ZMYM2: variants seen among roughly 807,000 people sequenced by gnomAD.
ZMYM2 encodes zinc finger MYM-type protein 2.
In ZMYM2, 56 loss-of-function variants were observed where a neutral mutation model predicts 162.8. That is an observed-to-expected ratio of 0.34 (90% CI 0.28 to 0.43). The LOEUF is 0.43. ZMYM2 is among the 20% of genes least tolerant of loss of function. The pLI is 1.00. For synonymous variants in ZMYM2, 510 were observed against 541.6 expected (o/e 0.94, Z 0.81); for missense variants, 1,275 against 1,621.8 (o/e 0.79, Z 3.67).
At chr13:19,935,505 C>T in the ZMYM2 span, among the ~76,000 whole-genome samples, 4 of 152,216 alleles carry the variant, frequency 2.6e-5, no homozygotes, top group African/African-American at 9.6e-5. Flanking sequence ...ATTTTACAAT[C>T]ACACCAATAG....
At chr13:19,952,969 C>T in the ZMYM2 span, among the ~76,000 whole-genome samples, 1 of 152,172 alleles carries the variant, frequency 6.6e-6, no homozygotes, top group Non-Finnish European at 1.5e-5. Context: ...ATGTTATCAT[C>T]AGGGAAGTAG....
rs1310814421 is a variant in ZMYM2, at chr13:20,086,081, A to G, written c.*67A>G. On this transcript the variant is annotated 3_prime_UTR_variant, in exon 25 of 25. Coordinates refer to ENST00000610343, the MANE Select transcript of ZMYM2 (RefSeq NM_197968.4). ...ATAGTCATGCTGCTAGATCTTTATT[A>G]TGGAAAACATTTCAAGTTTACTCCT... is the stretch of plus-strand genomic sequence containing the variant. The G allele has an allele frequency of 4.0e-6, 6 of 1,495,132 alleles. No individual in the cohort carries two copies. The highest frequency in any genetic ancestry group is 2.5e-5 in the South Asian group (2 of 79,606). The allele number at this position is 1,495,132 out of a possible 1,614,324, so 92.6% of individuals were successfully genotyped here.
At chr13:19,893,930 C>T in the ZMYM2 span, among the ~76,000 whole-genome samples, 2 of 151,746 alleles carry the variant, frequency 1.3e-5, no homozygotes, top group East Asian at 1.9e-4. Flanking sequence ...CACACCACCA[C>T]GTTTGGCTTC....
chr13:20,072,758 T>C (rs1193102838), intron 21 of ZMYM2, among the ~76,000 whole-genome samples: 2 of 151,886 alleles, frequency 1.3e-5, no homozygotes, highest in Non-Finnish European at 2.9e-5. Context: ...TTAGATTTCC[T>C]GTTTCTTCTT....
the ZMYM2 span, among the ~76,000 whole-genome samples, chr13:19,867,601 T>A: frequency 1.3e-5 from 2 of 151,920 alleles, no homozygotes; most frequent in African/African-American, 4.8e-5. Flanking sequence ...GCTATATTTT[T>A]AAAAAGATCT....
the ZMYM2 span, among the ~76,000 whole-genome samples, chr13:19,929,109 C>T: frequency 9.2e-5 from 14 of 152,184 alleles, no homozygotes; most frequent in African/African-American, 2.6e-4. Flanking sequence ...TACTAATGTG[C>T]CTTTAGATTC....
intron 3 of ZMYM2, among the ~76,000 whole-genome samples, chr13:19,997,682 T>C (rs1407702383): frequency 1.3e-5 from 2 of 152,174 alleles, no homozygotes; most frequent in Non-Finnish European, 2.9e-5. Context: ...AGTTTTAAAA[T>C]AGCTATTTTT....
At chr13:19,991,864 A>G (rs1949656371) in intron 2 of ZMYM2, among the ~76,000 whole-genome samples, 1 of 151,988 alleles carries the variant, frequency 6.6e-6, no homozygotes, top group South Asian at 2.1e-4. Flanking sequence ...TCCTGGGCTC[A>G]AGTGATCTGC....
intron 6 of ZMYM2, among the ~76,000 whole-genome samples, chr13:20,007,062 G>A (rs546802454): frequency 1.6e-4 from 24 of 152,252 alleles, no homozygotes; most frequent in African/African-American, 5.8e-4. Flanking sequence ...GAGAGGGGCT[G>A]CAAATATTTC....
chr13:20,019,329 T>C (rs1395657586), intron 6 of ZMYM2, among the ~76,000 whole-genome samples: 2 of 152,204 alleles, frequency 1.3e-5, no homozygotes, highest in Admixed American at 6.5e-5. Context: ...TACTGTTTTA[T>C]CATCATACCA....
Position 20,004,278 on chromosome 13 carries a change from G to A in ZMYM2, c.1134-796G>A, listed in dbSNP as rs147231691. On this transcript the variant is annotated intron_variant, in intron 4 of 24. Transcript: ENST00000610343. ...GTTTTGTTTTGTTTTTTTTTGAGAC[G>A]GATTCTCGCTCTGTCGCCCTGGCTG... Among the ~76,000 whole-genome samples, 408 of 151,616 alleles carry A rather than the reference G, an allele frequency of 2.7e-3. 3 individuals are homozygous for A. Among genetic ancestry groups the A allele is most frequent in the African/African-American group, 9.5e-3 (394 of 41,328 alleles).
At chr13:19,919,680 CTTTTTTTTTTTTT>C in the ZMYM2 span, among the ~76,000 whole-genome samples, 1 of 137,308 alleles carries the variant, frequency 7.3e-6, no homozygotes, top group African/African-American at 2.6e-5. Context: ...TTTTCTTTTT[CTTTTTTTTTTTTT>C]TGAAATGGAG....
In ZMYM2 at chr13:20,048,537, G is replaced by A. The variant is rs138259827; in HGVS notation, c.2293-2896G>A. Among the ~76,000 whole-genome samples the A allele has an allele frequency of 6.0e-3, 904 of 151,856 alleles. 9 individuals carry two copies. The highest frequency in any genetic ancestry group is 0.02 in the African/African-American group (840 of 41,470). ...TCTGTAAAATACCCCTATCTTTTTC[G>A]TATTCATGGTTCTCCCCTGGAAAAT... On this transcript the variant is annotated intron_variant, in intron 12 of 24. Coordinates refer to ENST00000610343, the MANE Select transcript of ZMYM2 (RefSeq NM_197968.4).
At chr13:20,027,065 C>G in intron 8 of ZMYM2, 138 bp from the exon 9 acceptor site, 1 of 635,290 alleles carries the variant, frequency 1.6e-6, no homozygotes, top group South Asian at 2.6e-5. Context: ...TTTAAAAGTG[C>G]ACATAATCTT....
chr13:19,998,373 A>G (rs1950167567), intron 3 of ZMYM2, among the ~76,000 whole-genome samples: 1 of 152,242 alleles, frequency 6.6e-6, no homozygotes, highest in Non-Finnish European at 1.5e-5. Flanking sequence ...GTGTCAAGGC[A>G]ATAGATGCCC....
chr13:19,875,626 C>CAAAAA, the ZMYM2 span, among the ~76,000 whole-genome samples: 1 of 54,886 alleles, frequency 1.8e-5, no homozygotes, highest in African/African-American at 7.4e-5. Flanking sequence ...GACTCCATCG[C>CAAAAA]AAAAAAAAAA....
the ZMYM2 span, among the ~76,000 whole-genome samples, chr13:19,881,308 G>GA: frequency 6.6e-6 from 1 of 151,634 alleles, no homozygotes; most frequent in South Asian, 2.1e-4. Context: ...GCAAATTGGG[G>GA]AAAAAAAATA....
In ZMYM2 at chr13:20,005,245, T is replaced by C; in HGVS notation, c.1299+6T>C. ...TCTGTGGTAAACTAACTGAGGTTTGTATTTTTTTTCTTTATCATTTAATTC... is the reference window on the plus strand; with the variant it reads ...TCTGTGGTAAACTAACTGAGGTTTGCATTTTTTTTCTTTATCATTTAATTC... On this transcript the variant is annotated splice_donor_region_variant and intron_variant, in intron 5 of 24. Coordinates refer to ENST00000610343, the MANE Select transcript of ZMYM2 (RefSeq NM_197968.4). 1 of 1,516,328 alleles carries C rather than the reference T, an allele frequency of 6.6e-7. No individual in the cohort carries two copies. The allele number at this position is 1,516,328 out of a possible 1,614,324, so 93.9% of individuals were successfully genotyped here. A position where few individuals can be genotyped will look rare whatever the true frequency, so the allele number is the denominator to read the frequency against.
intron 2 of ZMYM2, 39 bp from the exon 3 acceptor site, chr13:19,993,024 A>G (rs757424341): frequency 9.1e-6 from 14 of 1,530,180 alleles, no homozygotes; most frequent in Non-Finnish European, 1.2e-5. Flanking sequence ...ATAAAAAGTC[A>G]TACTGACATT....
Sources: gnomAD v4.1 joint callset for allele counts (sites outside exome capture counted in the v4.1 genomes callset) on GRCh38, gnomAD v4.1.1 for gene constraint, MANE v1.5 for transcripts, NCBI Gene and HGNC (gene_info 2026-07-23, HGNC 2026-07-21) for gene names.